Variants in AGBL1 observed in about 807,000 individuals in gnomAD.
The protein encoded by AGBL1 is cytosolic carboxypeptidase 4.
A neutral mutation model predicts 118.9 loss-of-function variants in AGBL1; 130 were observed. That is an observed-to-expected ratio of 1.09 (90% CI 0.95 to 1.26). The LOEUF is 1.26. Among genes scored for constraint, AGBL1 ranks in the 50% most tolerant of loss-of-function variants. AGBL1 has a pLI of 0.00. For synonymous variants in AGBL1, 555 were observed against 478.9 expected, an observed-to-expected ratio of 1.16 and a Z score of -2.08; for missense variants, 1,584 against 1,298.1, an observed-to-expected ratio of 1.22 and a Z score of -3.38.
At chr15:86,887,382 C>T (rs994641596) in intron 22 of AGBL1, among the ~76,000 whole-genome samples, 1 of 152,186 alleles carries the variant, frequency 6.6e-6, no homozygotes, top group Non-Finnish European at 1.5e-5. Flanking sequence ...CACTCACCTG[C>T]CTAACTGCTC....
chr15:86,559,394 T>A (rs4609816), intron 21 of AGBL1, among the ~76,000 whole-genome samples: 2 of 151,960 alleles, frequency 1.3e-5, no homozygotes, highest in East Asian at 3.9e-4. Context: ...TATTGCCATG[T>A]GGTAAAGCCC....
At chr15:86,947,404 A>G (rs1163906918) in intron 23 of AGBL1, among the ~76,000 whole-genome samples, 1 of 152,146 alleles carries the variant, frequency 6.6e-6, no homozygotes, top group Non-Finnish European at 1.5e-5. Flanking sequence ...AAATTGCTTT[A>G]GGTAGATTTT....
At chr15:86,817,118 C>A (rs1358752882) in intron 22 of AGBL1, among the ~76,000 whole-genome samples, 2 of 151,974 alleles carry the variant, frequency 1.3e-5, no homozygotes, top group African/African-American at 4.8e-5. Flanking sequence ...GAAACTCCAT[C>A]TCTACTATAA....
At chr15:86,352,189 G>T (rs551932389) in intron 17 of AGBL1, among the ~76,000 whole-genome samples, 1 of 152,142 alleles carries the variant, frequency 6.6e-6, no homozygotes, top group African/African-American at 2.4e-5. Flanking sequence ...ATGAAGGTTC[G>T]GATTGTGGCA....
At chr15:86,598,887 A>G (rs963470013) in intron 21 of AGBL1, among the ~76,000 whole-genome samples, 8 of 152,222 alleles carry the variant, frequency 5.3e-5, no homozygotes, top group African/African-American at 1.9e-4. Flanking sequence ...TATTAACAAG[A>G]AATCTGAAAA....
chr15:86,181,358 C>G (rs1454922252), intron 5 of AGBL1, among the ~76,000 whole-genome samples: 1 of 151,990 alleles, frequency 6.6e-6, no homozygotes, highest in Non-Finnish European at 1.5e-5. Flanking sequence ...TTGATATATG[C>G]TGCAACATGA....
At chr15:86,440,317 A>G (rs1035841388) in intron 18 of AGBL1, among the ~76,000 whole-genome samples, 16 of 152,060 alleles carry the variant, frequency 1.1e-4, no homozygotes, top group African/African-American at 3.4e-4. Flanking sequence ...AGAATACATA[A>G]TCACTTATGG....
chr15:86,806,364 T>C (rs2078714019), intron 22 of AGBL1, among the ~76,000 whole-genome samples: 1 of 151,774 alleles, frequency 6.6e-6, no homozygotes, highest in East Asian at 1.9e-4. Flanking sequence ...GAGAGAAAAA[T>C]TAGGGAGAAA....
chr15:86,628,777 CAGTG>C (rs929809528), intron 21 of AGBL1, among the ~76,000 whole-genome samples: 3 of 152,004 alleles, frequency 2.0e-5, no homozygotes, highest in Admixed American at 6.5e-5. Context: ...GCCTGGGAGA[CAGTG>C]AGACTCCATC....
chr15:86,480,778 A>AT (rs2082640614), intron 18 of AGBL1, among the ~76,000 whole-genome samples: 1 of 151,982 alleles, frequency 6.6e-6, no homozygotes, highest in Non-Finnish European at 1.5e-5. Context: ...GCTAGGCAGG[A>AT]TTTTAAGAGA....
intron 22 of AGBL1, among the ~76,000 whole-genome samples, chr15:86,679,703 T>C (rs934990484): frequency 2.1e-4 from 32 of 152,114 alleles, no homozygotes; most frequent in African/African-American, 7.0e-4. Flanking sequence ...TATTAATATT[T>C]GATATCTTCT....
At chr15:86,540,356 G>A (rs2083477425) in intron 19 of AGBL1, among the ~76,000 whole-genome samples, 1 of 152,170 alleles carries the variant, frequency 6.6e-6, no homozygotes, top group Non-Finnish European at 1.5e-5. Flanking sequence ...CACTTTGGGA[G>A]GACAAGGCAG....
intron 2 of AGBL1, among the ~76,000 whole-genome samples, chr15:86,143,449 C>T (rs2076990998): frequency 6.6e-6 from 1 of 152,186 alleles, no homozygotes. Flanking sequence ...CTCAGATAAG[C>T]TCTATTTATT....
chr15:86,349,236 G>A (rs569871530), intron 17 of AGBL1, among the ~76,000 whole-genome samples: 40 of 152,288 alleles, frequency 2.6e-4, no homozygotes, highest in Non-Finnish European at 4.4e-4. Context: ...TAAAGCCATT[G>A]TTTTAAGCCA....
intron 22 of AGBL1, among the ~76,000 whole-genome samples, chr15:86,760,576 A>G (rs769591266): frequency 1.3e-5 from 2 of 152,108 alleles, no homozygotes; most frequent in African/African-American, 4.8e-5. Flanking sequence ...GGACCTATGT[A>G]AAAACCAAAT....
chr15:86,144,656 C>T (rs1307669383), intron 3 of AGBL1, among the ~76,000 whole-genome samples: 1 of 152,076 alleles, frequency 6.6e-6, no homozygotes, highest in Non-Finnish European at 1.5e-5. Flanking sequence ...ACACTTGGGC[C>T]TGTCAGAGGA....
chr15:86,729,857 C>T (rs2077504805), intron 22 of AGBL1, among the ~76,000 whole-genome samples: 1 of 152,164 alleles, frequency 6.6e-6, no homozygotes, highest in Non-Finnish European at 1.5e-5. Context: ...CACTGCTTTC[C>T]ACAATGCCTC....
chr15:86,441,585 A>G (rs1303649651), intron 18 of AGBL1, among the ~76,000 whole-genome samples: 1 of 152,234 alleles, frequency 6.6e-6, no homozygotes, highest in Non-Finnish European at 1.5e-5. Flanking sequence ...GACCCATGCC[A>G]AGGCCTTACC....
At chr15:86,571,595 C>G (rs1192529651) in intron 21 of AGBL1, among the ~76,000 whole-genome samples, 1 of 152,128 alleles carries the variant, frequency 6.6e-6, no homozygotes, top group African/African-American at 2.4e-5. Context: ...TGATGAGTGT[C>G]CAGCTCTCAG....
Sources: gnomAD v4.1 joint callset for allele counts (sites outside exome capture counted in the v4.1 genomes callset) on GRCh38, gnomAD v4.1.1 for gene constraint, MANE v1.5 for transcripts, NCBI Gene and HGNC (gene_info 2026-07-23, HGNC 2026-07-21) for gene names.